The following HMCN2 variants were observed in gnomAD, a reference collection of about 807,000 sequenced individuals.
The protein encoded by HMCN2 is hemicentin 2.
A neutral mutation model predicts 377.5 loss-of-function variants in HMCN2; 325 were observed. The observed-to-expected ratio is 0.86, with a 90% CI of 0.79 to 0.94. The LOEUF (loss-of-function observed/expected upper bound fraction) is 0.94. Among genes scored for constraint, HMCN2 ranks in the 40% least tolerant of loss-of-function variants. The pLI, the probability that HMCN2 is intolerant of heterozygous loss-of-function variation, is 0.00. For synonymous variants in HMCN2, 2,007 were observed against 2,046.8 expected (o/e 0.98, Z 0.53); for missense variants, 4,543 against 4,725.3 (o/e 0.96, Z 1.13).
rs1588219830 is a variant in HMCN2 at position 130,310,501 on chromosome 9, G to A, written c.2350+440G>A. On this transcript the variant is annotated intron_variant, in intron 15 of 97. Transcript: ENST00000683500. The stretch of plus-strand genomic sequence containing the variant: ...GAGAGAGAGACAATCTCAGAGGGAA[G>A]CCACAGTCTTGGAAGTAACAAGCCA... Among the ~76,000 whole-genome samples, 3 of 152,348 alleles carry A rather than the reference G, an allele frequency of 2.0e-5. No individual in the cohort carries two copies. In the South Asian group the frequency reaches 6.2e-4, roughly 32 times the overall value.
At chr9:130,406,376 A>G in intron 82 of HMCN2, 1 of 365,338 alleles carries the variant, frequency 2.7e-6, no homozygotes, top group South Asian at 2.1e-5. Flanking sequence ...CAGAGCTGGC[A>G]AGAGGCCACC....
chr9:130,293,916 G>C (rs149107257), intron 4 of HMCN2, among the ~76,000 whole-genome samples: 5 of 152,108 alleles, frequency 3.3e-5, no homozygotes, highest in Non-Finnish European at 7.4e-5. Context: ...CTGAAGTATA[G>C]CAAGGAGATG....
rs781116909 is a variant in HMCN2 at position 130,428,330 on chromosome 9, AC to A, written c.14066-27del. On this transcript the variant is annotated intron_variant, in intron 92 of 97. Coordinates refer to ENST00000683500, the MANE Select transcript of HMCN2 (RefSeq NM_001291815.2). This position sits in a 1 kb window ranked among gnomAD's most constrained non-coding sequence, Gnocchi z 5.0. ...AGGCACGCCTGGGGATCATGTTCAC[AC>A]AGCCGTCTGCCCTGATCTGCCCCCA... The A allele has an allele frequency of 1.7e-5, 26 of 1,509,752 alleles. No individual in the cohort carries two copies. In the South Asian group the frequency reaches 3.0e-4, roughly 17 times the overall value. The allele number at this position is 1,509,752 out of a possible 1,614,324, so 93.5% of individuals were successfully genotyped here.
At chr9:130,350,570 G>A (rs527482015) in intron 29 of HMCN2, among the ~76,000 whole-genome samples, 275 of 149,476 alleles carry the variant, frequency 1.8e-3, no homozygotes, top group African/African-American at 6.3e-3. Flanking sequence ...AAAAGTCCAC[G>A]TAACATACAA....
chr9:130,355,495 C>T (rs1004675587), intron 32 of HMCN2, among the ~76,000 whole-genome samples: 12 of 152,336 alleles, frequency 7.9e-5, no homozygotes, highest in South Asian at 4.1e-4. Flanking sequence ...CAAGGCCAAC[C>T]GGACTCCTGA....
chr9:130,293,441 C>T (rs532378729), intron 4 of HMCN2, among the ~76,000 whole-genome samples: 2 of 151,948 alleles, frequency 1.3e-5, no homozygotes, highest in African/African-American at 4.8e-5. Flanking sequence ...AGGGTTTGCA[C>T]AGGATGGACG....
At chr9:130,354,485 C>T (rs1839912126) in intron 31 of HMCN2, among the ~76,000 whole-genome samples, 1 of 152,176 alleles carries the variant, frequency 6.6e-6, no homozygotes, top group African/African-American at 2.4e-5. Flanking sequence ...TGCAAGTAGG[C>T]CGGCCGTCTT....
At chr9:130,364,962 C>A in intron 41 of HMCN2, 73 bp downstream of exon 41, 12 of 890,682 alleles carry the variant, frequency 1.3e-5, no homozygotes, top group Non-Finnish European at 1.6e-5. Context: ...GCAGGTGCCC[C>A]AGCTCAGTGA....
At chr9:130,358,861 C>T (rs1261792358) in intron 36 of HMCN2, among the ~76,000 whole-genome samples, 20 of 151,950 alleles carry the variant, frequency 1.3e-4, no homozygotes, top group Admixed American at 1.3e-3. Flanking sequence ...TTTTTAGTAG[C>T]GACGGGGTTT....
At chr9:130,367,941 CAAAAAA>C (rs10565235) in intron 43 of HMCN2, among the ~76,000 whole-genome samples, 14,057 of 75,380 alleles carry the variant, frequency 0.19, 880 homozygotes, top group African/African-American at 0.27. Flanking sequence ...GACTCTGTCT[CAAAAAA>C]AAAAAAAAAA....
In HMCN2 at chr9:130,303,496, A is replaced by G; in HGVS notation, c.1431A>G (p.Gly477=). The G allele has an allele frequency of 2.2e-6, 1 of 451,764 alleles. No individual in the cohort carries two copies. The highest frequency in any genetic ancestry group is 1.6e-5 in the South Asian group (1 of 62,602). The allele number at this position is 451,764 out of a possible 1,614,324, so 28.0% of individuals were successfully genotyped here. ...TGTTCCCTGTTTGCAGGGAGTCGGG[A>G]AACAGCAGCTGGGAGATCCTGCGGG... ...LGEERHFQES[G]NSSWEILRAS... Residue 477 remains glycine, a synonymous_variant, in exon 10 of 98, where the codon GGA becomes GGG. Coordinates refer to ENST00000683500, the MANE Select transcript of HMCN2 (RefSeq NM_001291815.2). The surrounding 1 kb of genome is among the most constrained non-coding windows in gnomAD (Gnocchi z 5.2).
At chr9:130,411,838 T>C (rs1843433740) in intron 85 of HMCN2, among the ~76,000 whole-genome samples, 1 of 151,300 alleles carries the variant, frequency 6.6e-6, no homozygotes, top group Non-Finnish European at 1.5e-5. Flanking sequence ...ATTTAATGAG[T>C]CCGGAGTTTC....
At chr9:130,404,840 G>A in intron 80 of HMCN2, 29 bp from the exon 81 acceptor site, 2 of 1,204,990 alleles carry the variant, frequency 1.7e-6, no homozygotes, top group Non-Finnish European at 2.1e-6. Flanking sequence ...CTGAGCCCCG[G>A]TTCCGAGTGG....
chr9:130,418,360 A>T (rs1843805293), intron 85 of HMCN2, among the ~76,000 whole-genome samples: 1 of 152,212 alleles, frequency 6.6e-6, no homozygotes, highest in Non-Finnish European at 1.5e-5. Context: ...CAGGAGTTCA[A>T]GACCAACCTG....
At chr9:130,340,136 G>A (rs1838968273) in intron 23 of HMCN2, among the ~76,000 whole-genome samples, 1 of 152,230 alleles carries the variant, frequency 6.6e-6, no homozygotes, top group Non-Finnish European at 1.5e-5. Flanking sequence ...TGCCATGTAG[G>A]AAGGACCGAG....
intron 4 of HMCN2, among the ~76,000 whole-genome samples, chr9:130,289,585 C>T (rs1368585297): frequency 2.6e-5 from 4 of 152,102 alleles, no homozygotes; most frequent in African/African-American, 7.2e-5. Context: ...GTTGGGTTAA[C>T]GAGAGCCCCT....
intron 84 of HMCN2, among the ~76,000 whole-genome samples, chr9:130,409,851 C>CA (rs1462102172): frequency 1.3e-5 from 2 of 152,138 alleles, no homozygotes; most frequent in Non-Finnish European, 1.5e-5. Context: ...CTATCCCCCC[C>CA]AGTCCCTTGG....
At chr9:130,378,606 A>C (rs922921183) in intron 53 of HMCN2, among the ~76,000 whole-genome samples, 1 of 149,522 alleles carries the variant, frequency 6.7e-6, no homozygotes, top group Non-Finnish European at 1.5e-5. Context: ...GCGGGGAGGC[A>C]GGGAGGCAGG....
chr9:130,383,440 C>A, intron 56 of HMCN2, 64 bp from the exon 57 acceptor site: 3 of 753,558 alleles, frequency 4.0e-6, no homozygotes, highest in Non-Finnish European at 4.9e-6. Context: ...CGCAGTCATT[C>A]CTGGGGGTGG....
Sources: gnomAD v4.1 joint callset for allele counts (sites outside exome capture counted in the v4.1 genomes callset) on GRCh38, gnomAD v4.1.1 for gene constraint, Gnocchi (gnomAD v3.1) non-coding constraint, MANE v1.5 for transcripts, NCBI Gene and HGNC (gene_info 2026-07-23, HGNC 2026-07-21) for gene names.